The following HCN1 variants were observed in gnomAD, a reference collection of about 807,000 sequenced individuals.
HCN1 encodes the protein potassium/sodium hyperpolarization-activated cyclic nucleotide-gated channel 1.
HCN1 carries 13 observed loss-of-function variants against 78.9 expected under a neutral mutation model. That is an observed-to-expected ratio of 0.16 (90% CI 0.11 to 0.26). The LOEUF is 0.26. HCN1 is among the 10% of genes least tolerant of loss of function. The pLI is 1.00. For synonymous variants in HCN1, 552 were observed against 455.5 expected (o/e 1.21, Z -2.70); for missense variants, 810 against 1,154.3 (o/e 0.70, Z 4.32).
intron 2 of HCN1, chr5:45,557,936 C>A (rs1743508136): frequency 6.6e-6 from 1 of 151,806 alleles, no homozygotes; most frequent in African/African-American, 2.4e-5. Flanking sequence ...TCTAGGTGTC[C>A]AAGTGAAAGG....
chr5:45,441,607 T>C (rs1294851319), intron 3 of HCN1, among the ~76,000 whole-genome samples: 6 of 152,234 alleles, frequency 3.9e-5, no homozygotes, highest in African/African-American at 1.2e-4. Context: ...ACAACTCTTG[T>C]GATACGATTA....
chr5:45,375,307 AAT>A (rs1426267200), intron 4 of HCN1, among the ~76,000 whole-genome samples: 14 of 111,506 alleles, frequency 1.3e-4, no homozygotes, highest in East Asian at 9.6e-4. Context: ...CATGATATAC[AAT>A]ATATATAATA....
At chr5:45,460,998 A>G (rs1741143204) in intron 3 of HCN1, among the ~76,000 whole-genome samples, 1 of 152,072 alleles carries the variant, frequency 6.6e-6, no homozygotes, top group South Asian at 2.1e-4. Context: ...CACACATCAA[A>G]GAGGGCTATT....
At chr5:45,344,276 T>C (rs1392500013) in intron 5 of HCN1, among the ~76,000 whole-genome samples, 3 of 152,076 alleles carry the variant, frequency 2.0e-5, no homozygotes, top group African/African-American at 7.2e-5. Flanking sequence ...TCCCATGACA[T>C]GTAGGGATTA....
chr5:45,421,698 A>G (rs1402692871), intron 3 of HCN1, among the ~76,000 whole-genome samples: 1 of 152,216 alleles, frequency 6.6e-6, no homozygotes, highest in Non-Finnish European at 1.5e-5. Flanking sequence ...TATCTTAACC[A>G]GTTTGGGTTA....
At chr5:45,396,392 T>A in intron 4 of HCN1, 100 bp downstream of exon 4, 1 of 916,240 alleles carries the variant, frequency 1.1e-6, no homozygotes, top group Non-Finnish European at 1.7e-6. Context: ...ATCTCTTTTT[T>A]TTTTTTATAG....
At chr5:45,578,593 T>C (rs541397960) in intron 2 of HCN1, among the ~76,000 whole-genome samples, 1 of 152,042 alleles carries the variant, frequency 6.6e-6, no homozygotes, top group Non-Finnish European at 1.5e-5. Context: ...TGAATCATCA[T>C]AGCTCAACAG....
intron 3 of HCN1, among the ~76,000 whole-genome samples, chr5:45,403,926 A>C (rs1739870789): frequency 6.6e-6 from 1 of 152,196 alleles, no homozygotes; most frequent in African/African-American, 2.4e-5. Context: ...AAAATTTTGT[A>C]AGTGGAAGAT....
rs912890983 is a variant in HCN1 at position 45,476,821 on chromosome 5, G to A, written c.850-14814C>T. On this transcript the variant is annotated intron_variant, in intron 2 of 7. Coordinates refer to ENST00000303230, the MANE Select transcript of HCN1 (RefSeq NM_021072.4). The stretch of plus-strand genomic sequence containing the variant: ...ATGCCACAAGTGAAAAATTCTGCAC[G>A]AGTACTTAATGCAAACTTTGTTTCA... Among the ~76,000 whole-genome samples the A allele has an allele frequency of 5.3e-5, 8 of 152,014 alleles. No individual in the cohort carries two copies. In the South Asian group the frequency reaches 1.2e-3, roughly 24 times the overall value.
chr5:45,258,284 T>G lies in HCN1; in HGVS notation c.*3637A>C, dbSNP rs1403502220. Reference sequence around the variant, plus strand: ...AATAAATCATCTAAAATTTTAAACATGTCATATTGTTTAAATCATTCTCTG... The same window carrying G: ...AATAAATCATCTAAAATTTTAAACAGGTCATATTGTTTAAATCATTCTCTG... On this transcript the variant is annotated 3_prime_UTR_variant, in exon 8 of 8. Transcript: ENST00000303230. 6.6e-6 allele frequency: 1 copy of G among 152,208 alleles called. No individual in the cohort carries two copies. The highest frequency in any genetic ancestry group is 1.5e-5 in the Non-Finnish European group (1 of 68,012). The allele number at this position is 152,208 out of a possible 1,614,324, so 9.4% of individuals were successfully genotyped here.
intron 3 of HCN1, among the ~76,000 whole-genome samples, chr5:45,408,391 C>A (rs1458620401): frequency 2.0e-5 from 3 of 151,862 alleles, no homozygotes; most frequent in East Asian, 1.9e-4. Flanking sequence ...TTTATTATAC[C>A]TTTTCTATGT....
intron 2 of HCN1, among the ~76,000 whole-genome samples, chr5:45,640,249 C>T (rs1444267003): frequency 2.6e-5 from 4 of 152,088 alleles, no homozygotes; most frequent in Non-Finnish European, 5.9e-5. Context: ...GAGTGAAGAA[C>T]GGATACTCTC....
intron 1 of HCN1, among the ~76,000 whole-genome samples, chr5:45,675,614 T>TC (rs1477417236): frequency 6.6e-6 from 1 of 151,816 alleles, no homozygotes; most frequent in Non-Finnish European, 1.5e-5. Context: ...TTTTGACCAT[T>TC]CCCTGGACCA....
At chr5:45,348,060 T>C (rs574890836) in intron 5 of HCN1, among the ~76,000 whole-genome samples, 2 of 152,132 alleles carry the variant, frequency 1.3e-5, no homozygotes, top group South Asian at 2.1e-4. Context: ...AGACACATAA[T>C]TGTCAGATTC....
intron 2 of HCN1, among the ~76,000 whole-genome samples, chr5:45,598,229 T>C (rs777186754): frequency 6.6e-6 from 1 of 151,926 alleles, no homozygotes; most frequent in Non-Finnish European, 1.5e-5. Context: ...TATAGACCAA[T>C]GGAACACAAC....
At position 45,372,227 on chromosome 5, in the gene HCN1, A is replaced by T. The variant is rs1327203911; in HGVS notation, c.1231-18981T>A. Among the ~76,000 whole-genome samples, 12 of 74,320 alleles carry T rather than the reference A, an allele frequency of 1.6e-4. No individual in the cohort carries two copies. In the East Asian group the frequency reaches 5.5e-3, roughly 34 times the overall value. The allele number at this position is 74,320 out of a possible 152,430, so 48.8% of individuals were successfully genotyped here. On this transcript the variant is annotated intron_variant, in intron 4 of 7. Transcript: ENST00000303230. ...ACATATTATATAATATAATATATAT[A>T]ATATATATTATATTTTATATATAAT...
At chr5:45,541,076 AT>A (rs1340808457) in intron 2 of HCN1, among the ~76,000 whole-genome samples, 2 of 152,202 alleles carry the variant, frequency 1.3e-5, no homozygotes, top group Non-Finnish European at 2.9e-5. Context: ...AAGAAAAAAA[AT>A]ATTAATCTAA....
chr5:45,402,221 G>A (rs757776673), intron 3 of HCN1, among the ~76,000 whole-genome samples: 1 of 152,164 alleles, frequency 6.6e-6, no homozygotes, highest in Non-Finnish European at 1.5e-5. Context: ...AACATTTTCA[G>A]TACAAAACGG....
At chr5:45,521,461 T>G (rs1045533228) in intron 2 of HCN1, among the ~76,000 whole-genome samples, 2 of 152,010 alleles carry the variant, frequency 1.3e-5, no homozygotes, top group Admixed American at 6.6e-5. Flanking sequence ...ATCTGTTCCA[T>G]GCCTTTCTCC....
Sources: gnomAD v4.1 joint callset for allele counts (sites outside exome capture counted in the v4.1 genomes callset) on GRCh38, gnomAD v4.1.1 for gene constraint, MANE v1.5 for transcripts, NCBI Gene and HGNC (gene_info 2026-07-23, HGNC 2026-07-21) for gene names.